MEI4: variants seen among roughly 807,000 people sequenced by gnomAD.
The protein encoded by MEI4 is meiosis-specific protein MEI4.
A neutral mutation model predicts 31.4 loss-of-function variants in MEI4; 27 were observed. The ratio of observed to expected loss-of-function variants is 0.86; its 90% CI spans 0.63 to 1.19. The LOEUF is 1.19. MEI4 is among the 50% of genes most tolerant of loss of function. The pLI is 0.00. For missense variants in MEI4, 329 were observed against 398.9 expected, an observed-to-expected ratio of 0.82 and a Z score of 1.49; for synonymous variants, 122 against 145.4, an observed-to-expected ratio of 0.84 and a Z score of 1.16.
intron 4 of MEI4, among the ~76,000 whole-genome samples, chr6:77,885,401 A>T (rs1414188756): frequency 6.6e-6 from 1 of 152,060 alleles, no homozygotes; most frequent in East Asian, 1.9e-4. Flanking sequence ...CATGTTGCCC[A>T]GGCTGGTCTC....
At chr6:77,818,857 G>A (rs1442775250) in intron 3 of MEI4, among the ~76,000 whole-genome samples, 1 of 152,002 alleles carries the variant, frequency 6.6e-6, no homozygotes. Flanking sequence ...CAGTCACCGA[G>A]TAACTGAGAC....
At chr6:77,695,144 T>C (rs1205458790) in intron 2 of MEI4, among the ~76,000 whole-genome samples, 1 of 152,292 alleles carries the variant, frequency 6.6e-6, no homozygotes, top group Non-Finnish European at 1.5e-5. Context: ...TTTGAGTTCA[T>C]TGTAGATTCT....
At chr6:77,852,182 AC>A (rs1177927610) in intron 4 of MEI4, among the ~76,000 whole-genome samples, 21 of 152,164 alleles carry the variant, frequency 1.4e-4, no homozygotes, top group African/African-American at 4.8e-4. Flanking sequence ...GTATCAGAAA[AC>A]CTTAGAGGGT....
At chr6:77,732,871 A>G (rs960009902) in intron 2 of MEI4, among the ~76,000 whole-genome samples, 9 of 151,792 alleles carry the variant, frequency 5.9e-5, no homozygotes, top group Non-Finnish European at 1.0e-4. Context: ...CCTTTTGTGC[A>G]TCTATTGAGA....
At position 77,816,482 on chromosome 6, in the gene MEI4, A is replaced by G. The variant is rs923720624; in HGVS notation, c.769-12449A>G. 1.1e-4 allele frequency among the ~76,000 whole-genome samples: 17 copies of G among 152,090 alleles called. 1 individual carries two copies. The highest frequency in any genetic ancestry group is 4.8e-5 in the African/African-American group (2 of 41,432). On this transcript the variant is annotated intron_variant, in intron 3 of 4. Transcript: ENST00000684080. ...TTTAAAATACATTTCATCCTTTTTT[A>G]TGGCCGCATAGTATTCCACAGTGTA...
chr6:77,670,448 C>T (rs1046645263), intron 1 of MEI4, among the ~76,000 whole-genome samples: 1 of 152,078 alleles, frequency 6.6e-6, no homozygotes, highest in African/African-American at 2.4e-5. Context: ...AATCTTAGCA[C>T]TGATGCCTAC....
intron 3 of MEI4, among the ~76,000 whole-genome samples, chr6:77,812,659 T>C (rs559559226): frequency 1.3e-5 from 2 of 152,230 alleles, no homozygotes; most frequent in East Asian, 1.9e-4. Context: ...ATGCTTAGAC[T>C]GATCACGTCT....
At chr6:77,705,159 G>A (rs1766304550) in intron 2 of MEI4, among the ~76,000 whole-genome samples, 4 of 152,020 alleles carry the variant, frequency 2.6e-5, no homozygotes, top group Admixed American at 2.6e-4. Flanking sequence ...CTTGTTCTAG[G>A]AGAACTCTCT....
chr6:77,876,817 C>T (rs1435024968), intron 4 of MEI4, among the ~76,000 whole-genome samples: 1 of 151,804 alleles, frequency 6.6e-6, no homozygotes, highest in East Asian at 1.9e-4. Context: ...AAATATGAGG[C>T]AAAGTACCAT....
chr6:77,910,632 A>C (rs571504376), intron 4 of MEI4, among the ~76,000 whole-genome samples: 1 of 152,232 alleles, frequency 6.6e-6, no homozygotes, highest in East Asian at 1.9e-4. Context: ...ATACAGCCCA[A>C]AGTAATTTAT....
intron 4 of MEI4, among the ~76,000 whole-genome samples, chr6:77,884,417 T>C (rs1199143730): frequency 6.6e-6 from 1 of 152,196 alleles, no homozygotes; most frequent in Non-Finnish European, 1.5e-5. Flanking sequence ...TTTATAGCAA[T>C]AAAATCCTTG....
Position 77,761,546 on chromosome 6 carries a change from G to T in MEI4, c.649G>T (p.Ala217Ser), listed in dbSNP as rs1236684186. 8.1e-7 allele frequency: 1 copy of T among 1,231,926 alleles called. No homozygotes were observed. The highest frequency in any genetic ancestry group is 1.6e-5 in the African/African-American group (1 of 64,358). The allele number at this position is 1,231,926 out of a possible 1,614,324, so 76.3% of individuals were successfully genotyped here. A position where few individuals can be genotyped will look rare whatever the true frequency, so the allele number is the denominator to read the frequency against. ...RFWTEAVGTL[A>S]SLISDYNLSS... is the part of the protein sequence containing the mutation. ...TTGGACAGAAGCTGTTGGTACTTTAGCTAGTCTGATCAGTGACTATAACTT... is the reference window on the plus strand; with the variant it reads ...TTGGACAGAAGCTGTTGGTACTTTATCTAGTCTGATCAGTGACTATAACTT... The change falls in exon 3 of 5, where the codon GCT becomes TCT. Residue 217 changes from alanine to serine, a missense_variant. Coordinates refer to ENST00000684080, the MANE Select transcript of MEI4 (RefSeq NM_001322247.2).
intron 4 of MEI4, among the ~76,000 whole-genome samples, chr6:77,862,012 T>C (rs983483872): frequency 2.0e-5 from 3 of 151,398 alleles, no homozygotes; most frequent in African/African-American, 4.9e-5. Flanking sequence ...TTCTAGGACA[T>C]GTTTTGTAGC....
chr6:77,727,794 A>G (rs766795669), intron 2 of MEI4, among the ~76,000 whole-genome samples: 13 of 152,242 alleles, frequency 8.5e-5, no homozygotes, highest in Non-Finnish European at 1.5e-4. Context: ...AAGCCTATAT[A>G]AGGCCCACTT....
intron 4 of MEI4, among the ~76,000 whole-genome samples, chr6:77,864,041 G>T (rs1770947480): frequency 6.6e-6 from 1 of 152,120 alleles, no homozygotes; most frequent in African/African-American, 2.4e-5. Context: ...GAGAGATTTT[G>T]TCACCACCAG....
intron 4 of MEI4, among the ~76,000 whole-genome samples, chr6:77,841,228 G>A (rs532926479): frequency 4.1e-5 from 6 of 147,990 alleles, no homozygotes; most frequent in Non-Finnish European, 7.4e-5. Context: ...AAGTTATTAG[G>A]ATAGCAGGAA....
At position 77,847,659 on chromosome 6, in the gene MEI4, C is replaced by T. The variant is rs1036478664; in HGVS notation, c.900+18597C>T. Among the ~76,000 whole-genome samples, 1 of 152,178 alleles carries T rather than the reference C, an allele frequency of 6.6e-6. No homozygotes were observed. The highest frequency in any genetic ancestry group is 2.4e-5 in the African/African-American group (1 of 41,440). ...ATGGAAAGGAGCAGCCATTTCTTTC[C>T]TACTCCGATCTTTGTATTATAGACA... On this transcript the variant is annotated intron_variant, in intron 4 of 4. Coordinates refer to ENST00000684080, the MANE Select transcript of MEI4 (RefSeq NM_001322247.2). This position sits in a 1 kb window ranked among gnomAD's most constrained non-coding sequence, Gnocchi z 4.6.
At chr6:77,700,723 G>A (rs539333676) in intron 2 of MEI4, among the ~76,000 whole-genome samples, 2 of 152,138 alleles carry the variant, frequency 1.3e-5, no homozygotes, top group South Asian at 2.1e-4. Flanking sequence ...GTTCCTATTC[G>A]GCCATCTTGG....
intron 2 of MEI4, among the ~76,000 whole-genome samples, chr6:77,745,298 A>G (rs1266960756): frequency 6.6e-6 from 1 of 152,160 alleles, no homozygotes; most frequent in African/African-American, 2.4e-5. Flanking sequence ...ATGGAAAACA[A>G]AAAAAGGCAG....
Sources: allele counts gnomAD v4.1 joint callset (sites outside exome capture counted in the v4.1 genomes callset), GRCh38; gene constraint gnomAD v4.1.1; non-coding constraint Gnocchi (gnomAD v3.1); transcripts MANE v1.5; gene names NCBI Gene and HGNC (gene_info 2026-07-23, HGNC 2026-07-21).